The following AKR1B1 variants were observed in gnomAD, a reference collection of about 807,000 sequenced individuals.
The protein encoded by AKR1B1 is aldo-keto reductase family 1 member B1.
A neutral mutation model predicts 40.4 loss-of-function variants in AKR1B1; 22 were observed. The ratio of observed to expected loss-of-function variants is 0.54; its 90% CI spans 0.39 to 0.78. The LOEUF (loss-of-function observed/expected upper bound fraction) is 0.78. Ranked by LOEUF, AKR1B1 falls within the 30% of genes least tolerant of loss-of-function variation. The pLI is 0.00. For synonymous variants in AKR1B1, 157 were observed against 149.9 expected (o/e 1.05, Z -0.35); for missense variants, 357 against 396.7 (o/e 0.90, Z 0.85).
chr7:134,449,522 G>A lies in AKR1B1; in HGVS notation c.429+198C>T, dbSNP rs1047444137. 6.5e-5 allele frequency: 40 copies of A among 613,686 alleles called. No homozygotes were observed. The African/African-American group carries it at 7.4e-4, about 11-fold the overall frequency. 38.0% of individuals were successfully genotyped at this position (613,686 alleles called of 1,614,324 possible). ...GAATGGCGTGAACCCAGGAGGTGGAGCTTGCAGTGAGCCGAGATTGTGCCA... is the reference window on the plus strand; with the variant it reads ...GAATGGCGTGAACCCAGGAGGTGGAACTTGCAGTGAGCCGAGATTGTGCCA... On this transcript the variant is annotated intron_variant, in intron 4 of 9. Transcript: ENST00000285930.
intron 1 of AKR1B1, among the ~76,000 whole-genome samples, chr7:134,454,384 C>G (rs921682269): frequency 6.6e-6 from 1 of 152,216 alleles, no homozygotes; most frequent in African/African-American, 2.4e-5. Context: ...CTAATACCAA[C>G]TCTGAGACAC....
chr7:134,447,945 T>C lies in AKR1B1; in HGVS notation c.741+35A>G, dbSNP rs1281203297. On this transcript the variant is annotated intron_variant, in intron 7 of 9. Coordinates refer to ENST00000285930, the MANE Select transcript of AKR1B1 (RefSeq NM_001628.4). ...ACAGGACTGTCAGGAATGCAGGCAG[T>C]TGTGGACGGTCAGCAACACCTGAAG... 6.4e-6 allele frequency: 10 copies of C among 1,572,318 alleles called. No individual in the cohort carries two copies. In the South Asian group the frequency reaches 9.1e-5, roughly 14 times the overall value.
At chr7:134,444,319 G>A (rs151040874) in intron 9 of AKR1B1, among the ~76,000 whole-genome samples, 274 of 152,366 alleles carry the variant, frequency 1.8e-3, no homozygotes, top group African/African-American at 6.4e-3. Context: ...TGCCAGGCAC[G>A]CATATGCCTG....
intron 8 of AKR1B1, among the ~76,000 whole-genome samples, chr7:134,447,010 A>G (rs1806117959): frequency 6.6e-6 from 1 of 152,068 alleles, no homozygotes; most frequent in African/African-American, 2.4e-5. Flanking sequence ...AGTGAAGCTC[A>G]AGAGCGAGAT....
In AKR1B1 at chr7:134,442,661, G is replaced by T; in HGVS notation, c.*67C>A. The T allele has an allele frequency of 1.3e-6, 2 of 1,544,714 alleles. No homozygotes were observed. The highest frequency in any genetic ancestry group is 1.8e-6 in the Non-Finnish European group (2 of 1,118,462). On this transcript the variant is annotated 3_prime_UTR_variant, in exon 10 of 10. Transcript: ENST00000285930. ...GAGTGACACAGGCCATACTACATTT[G>T]CAAGGAAAAAAATGAGGCAAGAAAC...
chr7:134,455,129 T>C (rs901773574), intron 1 of AKR1B1, among the ~76,000 whole-genome samples: 4 of 152,154 alleles, frequency 2.6e-5, no homozygotes, highest in African/African-American at 7.2e-5. Flanking sequence ...GAGCAAGTCT[T>C]TCCTGGCACA....
chr7:134,451,998 T>C (rs761450433), intron 1 of AKR1B1, among the ~76,000 whole-genome samples: 2 of 152,226 alleles, frequency 1.3e-5, no homozygotes, highest in Non-Finnish European at 2.9e-5. Flanking sequence ...GAGATCACTT[T>C]TAAAAGATAT....
intron 9 of AKR1B1, 184 bp downstream of exon 9, chr7:134,445,054 T>A: frequency 1.5e-6 from 1 of 676,692 alleles, no homozygotes; most frequent in Non-Finnish European, 2.7e-6. Context: ...GCGGATCTCT[T>A]GGCATCTTGG....
At chr7:134,457,570 TTCA>T (rs1231652545) in intron 1 of AKR1B1, among the ~76,000 whole-genome samples, 32 of 152,222 alleles carry the variant, frequency 2.1e-4, no homozygotes, top group Admixed American at 3.3e-4. Context: ...TTTACTAATT[TTCA>T]ACAGCAGGTT....
upstream of AKR1B1, chr7:134,459,133 C>T: frequency 2.6e-6 from 4 of 1,535,622 alleles, no homozygotes; most frequent in Admixed American, 1.9e-5. Context: ...TTTAAATAGC[C>T]CGTGAGGTCG....
intron 2 of AKR1B1, 68 bp downstream of exon 2, chr7:134,451,518 G>T: frequency 6.3e-7 from 1 of 1,579,576 alleles, no homozygotes; most frequent in Non-Finnish European, 8.7e-7. Context: ...TGTGGACTTG[G>T]CTTTGGGCTG....
chr7:134,456,659 T>C (rs940852367), intron 1 of AKR1B1, among the ~76,000 whole-genome samples: 2 of 152,204 alleles, frequency 1.3e-5, no homozygotes, highest in African/African-American at 2.4e-5. Flanking sequence ...GTTTTCACCA[T>C]ACAGCTATCT....
rs942355362 is a variant in AKR1B1 at position 134,451,080 on chromosome 7, C to T, written c.235-178G>A. On this transcript the variant is annotated intron_variant, in intron 2 of 9. Transcript: ENST00000285930. Reference sequence around the variant, plus strand: ...AACTTTCCAAAGGCAGGCAGGATGACCAGGTCACAGAGACCTCTTACAAGG... The same window carrying T: ...AACTTTCCAAAGGCAGGCAGGATGATCAGGTCACAGAGACCTCTTACAAGG... 23 of 683,656 alleles carry T rather than the reference C, an allele frequency of 3.4e-5. No homozygotes were observed. The Admixed American group carries it at 4.5e-4, about 13-fold the overall frequency. The allele number at this position is 683,656 out of a possible 1,614,324, so 42.3% of individuals were successfully genotyped here.
chr7:134,449,606 G>T, intron 4 of AKR1B1, 114 bp downstream of exon 4: 2 of 898,796 alleles, frequency 2.2e-6, no homozygotes, highest in Non-Finnish European at 3.6e-6. Flanking sequence ...AAAAGAGAGA[G>T]CAAACAACAG....
chr7:134,447,182 C>T, intron 8 of AKR1B1, 116 bp downstream of exon 8: 1 of 961,476 alleles, frequency 1.0e-6, no homozygotes, highest in Non-Finnish European at 1.6e-6. Flanking sequence ...AGCTCCCTGG[C>T]CTCAGAAGAG....
chr7:134,451,715 G>A lies in AKR1B1; in HGVS notation c.105C>T (p.Ala35=). The change falls in exon 2 of 10, where the codon GCC becomes GCT. Residue 35 remains alanine, a synonymous_variant. Coordinates refer to ENST00000285930, the MANE Select transcript of AKR1B1 (RefSeq NM_001628.4). ...PGQVTEAVKV[A]IDVGYRHIDC... Reference sequence around the variant, plus strand: ...CGATGTGGCGGTACCCGACGTCAATGGCCACCTTCACGGCCTCAGTCACCT... The same window carrying A: ...CGATGTGGCGGTACCCGACGTCAATAGCCACCTTCACGGCCTCAGTCACCT... 1.2e-6 allele frequency: 2 copies of A among 1,614,120 alleles called. No individual in the cohort carries two copies. Among genetic ancestry groups the A allele is most frequent in the Non-Finnish European group, 1.7e-6 (2 of 1,180,026 alleles).
At position 134,445,189 on chromosome 7, in the gene AKR1B1, G is replaced by C. The variant is rs200228988; in HGVS notation, c.908+49C>G. 6 of 1,497,746 alleles carry C rather than the reference G, an allele frequency of 4.0e-6. No homozygotes were observed. The African/African-American group carries it at 5.5e-5, about 14-fold the overall frequency. 92.8% of individuals were successfully genotyped at this position (1,497,746 alleles called of 1,614,324 possible). A position where few individuals can be genotyped will look rare whatever the true frequency, so the allele number is the denominator to read the frequency against. On this transcript the variant is annotated intron_variant, in intron 9 of 9. Coordinates refer to ENST00000285930, the MANE Select transcript of AKR1B1 (RefSeq NM_001628.4). Reference sequence around the variant, plus strand: ...GCAGGGATCACTCTCTTGCTGTGCAGCATCTGAATATCTCCTGGGAACTGC... The same window carrying C: ...GCAGGGATCACTCTCTTGCTGTGCACCATCTGAATATCTCCTGGGAACTGC...
At chr7:134,454,914 G>A (rs538664193) in intron 1 of AKR1B1, among the ~76,000 whole-genome samples, 1 of 152,350 alleles carries the variant, frequency 6.6e-6, no homozygotes, top group African/African-American at 2.4e-5. Context: ...TAGTTGAGAT[G>A]TGCATGGACC....
rs1397237724 is a variant in AKR1B1, at chr7:134,451,680, T to G, written c.140A>C (p.His47Pro). ...CACCTCATTCTCATTCTGGTACACA[T>G]GGGCACAGTCGATGTGGCGGTACCC... ...DVGYRHIDCAHVYQNENEVGV... is the reference protein window; with the variant it reads ...DVGYRHIDCAPVYQNENEVGV... The change falls in exon 2 of 10, where the codon CAT (histidine) becomes CCT (proline). Residue 47 changes from histidine to proline, a missense_variant. Transcript: ENST00000285930. The G allele has an allele frequency of 6.2e-7, 1 of 1,614,162 alleles. No homozygotes were observed. Among genetic ancestry groups the G allele is most frequent in the East Asian group, 2.2e-5 (1 of 44,882 alleles).
Sources: allele counts gnomAD v4.1 joint callset (sites outside exome capture counted in the v4.1 genomes callset), GRCh38; gene constraint gnomAD v4.1.1; transcripts MANE v1.5; gene names NCBI Gene and HGNC (gene_info 2026-07-23, HGNC 2026-07-21).